The following SNX29 variants were observed in gnomAD, a reference collection of about 807,000 sequenced individuals.
The protein encoded by SNX29 is sorting nexin-29.
SNX29 carries 78 observed loss-of-function variants against 102.1 expected under a neutral mutation model. The observed-to-expected ratio is 0.76, with a 90% confidence interval of 0.64 to 0.92. SNX29 has a LOEUF of 0.92. Among genes scored for constraint, SNX29 ranks in the 40% least tolerant of loss-of-function variants. The pLI, the probability that SNX29 is intolerant of heterozygous loss-of-function variation, is 0.00. For synonymous variants in SNX29, 580 were observed against 414.5 expected, an observed-to-expected ratio of 1.40 and a Z score of -4.85; for missense variants, 1,280 against 1,061.7, an observed-to-expected ratio of 1.21 and a Z score of -2.86.
chr16:12,431,434 C>CTTTTTTTTTTTTTTTTTTTTT (rs200189537), intron 18 of SNX29, among the ~76,000 whole-genome samples: 2 of 136,952 alleles, frequency 1.5e-5, no homozygotes, highest in African/African-American at 2.7e-5. Flanking sequence ...TCTTCTTCTT[C>CTTTTTTTTTTTTTTTTTTTTT]TTTTTTTTTT....
intron 3 of SNX29, among the ~76,000 whole-genome samples, chr16:12,012,677 G>C (rs965332904): frequency 6.6e-6 from 1 of 152,062 alleles, no homozygotes; most frequent in Admixed American, 6.6e-5. Flanking sequence ...AAAGTGCTGG[G>C]ATTACAGGCG....
intron 20 of SNX29, among the ~76,000 whole-genome samples, chr16:12,563,089 A>T (rs574092137): frequency 6.9e-6 from 1 of 145,878 alleles, no homozygotes; most frequent in African/African-American, 2.4e-5. Flanking sequence ...AGAATGTTAC[A>T]TAGAAGACGC....
At chr16:12,368,298 T>C (rs539981718) in intron 16 of SNX29, among the ~76,000 whole-genome samples, 49 of 152,332 alleles carry the variant, frequency 3.2e-4, no homozygotes, top group African/African-American at 1.1e-3. Context: ...GCAAATGCAG[T>C]GTATGCAAGC....
chr16:12,444,415 G>C (rs553931584), intron 18 of SNX29, among the ~76,000 whole-genome samples: 1 of 152,370 alleles, frequency 6.6e-6, no homozygotes, highest in African/African-American at 2.4e-5. Context: ...GCAGGTGGCT[G>C]CTTCCAGCCC....
At chr16:12,193,626 G>A (rs2141920260) in intron 13 of SNX29, among the ~76,000 whole-genome samples, 1 of 152,240 alleles carries the variant, frequency 6.6e-6, no homozygotes, top group African/African-American at 2.4e-5. Context: ...ACCTTTTATA[G>A]TTTTAAATTA....
chr16:11,989,186 T>C (rs2055747426), intron 1 of SNX29, among the ~76,000 whole-genome samples: 1 of 152,204 alleles, frequency 6.6e-6, no homozygotes, highest in African/African-American at 2.4e-5. Flanking sequence ...TTGTTCAGGC[T>C]GGTCTTGAAC....
intron 17 of SNX29, among the ~76,000 whole-genome samples, chr16:12,399,575 CAGTCCAGCCATT>C (rs1460888689): frequency 6.6e-6 from 1 of 152,232 alleles, no homozygotes; most frequent in Admixed American, 6.5e-5. Context: ...TCTCAGGCAT[CAGTCCAGCCATT>C]TGACCTCACT....
At chr16:12,050,224 G>T (rs1232357032) in intron 7 of SNX29, among the ~76,000 whole-genome samples, 2 of 152,182 alleles carry the variant, frequency 1.3e-5, no homozygotes, top group Non-Finnish European at 2.9e-5. Flanking sequence ...TGCTATACCA[G>T]TGAGGCCTCA....
chr16:12,332,510 T>G (rs2081320757), intron 15 of SNX29, among the ~76,000 whole-genome samples: 1 of 152,174 alleles, frequency 6.6e-6, no homozygotes, highest in Non-Finnish European at 1.5e-5. Context: ...GTGATGACTC[T>G]ATCCTCCCCC....
At chr16:12,333,868 C>A (rs2081366600) in intron 15 of SNX29, among the ~76,000 whole-genome samples, 1 of 152,124 alleles carries the variant, frequency 6.6e-6, no homozygotes, top group South Asian at 2.1e-4. Flanking sequence ...TCTCAGAGAC[C>A]CGAATGGAGA....
intron 1 of SNX29, among the ~76,000 whole-genome samples, chr16:11,982,025 C>G (rs1293233644): frequency 6.7e-6 from 1 of 148,686 alleles, no homozygotes; most frequent in African/African-American, 2.5e-5. Flanking sequence ...GGCAACATAA[C>G]GAGATCTCAT....
intron 20 of SNX29, among the ~76,000 whole-genome samples, chr16:12,567,346 G>A (rs62028664): frequency 0.11 from 16,198 of 152,236 alleles, 1,046 homozygotes; most frequent in South Asian, 0.14. Flanking sequence ...CATGGATCCT[G>A]TTAGGTTTTT....
chr16:12,115,198 C>G (rs1005061146), intron 11 of SNX29, among the ~76,000 whole-genome samples: 1 of 152,088 alleles, frequency 6.6e-6, no homozygotes, highest in Non-Finnish European at 1.5e-5. Flanking sequence ...TTCAGCCCCC[C>G]TCGCTGCTTT....
intron 18 of SNX29, among the ~76,000 whole-genome samples, chr16:12,410,949 C>T (rs935668898): frequency 1.3e-5 from 2 of 152,168 alleles, no homozygotes; most frequent in Non-Finnish European, 2.9e-5. Context: ...CCCTTGGGCC[C>T]TCAAGTTCTC....
intron 5 of SNX29, among the ~76,000 whole-genome samples, chr16:12,044,456 G>T (rs1295127129): frequency 2.0e-5 from 3 of 152,092 alleles, no homozygotes; most frequent in African/African-American, 7.2e-5. Context: ...GGAGTGCTTG[G>T]GAACCAGGAG....
chr16:12,433,458 C>T (rs1483675608), intron 18 of SNX29, among the ~76,000 whole-genome samples: 3 of 151,952 alleles, frequency 2.0e-5, no homozygotes, highest in Admixed American at 6.6e-5. Flanking sequence ...TGGTGAAACC[C>T]CGTCTCTACT....
chr16:12,554,922 G>C (rs1451542289), intron 20 of SNX29, among the ~76,000 whole-genome samples: 1 of 151,896 alleles, frequency 6.6e-6, no homozygotes, highest in Non-Finnish European at 1.5e-5. Flanking sequence ...GAGGGGCTGA[G>C]GAGGGCAGCA....
chr16:12,562,815 C>A (rs913600223), intron 20 of SNX29, among the ~76,000 whole-genome samples: 1 of 152,142 alleles, frequency 6.6e-6, no homozygotes, highest in Admixed American at 6.5e-5. Context: ...ACTCCTTTCC[C>A]CCCAAATTTC....
intron 2 of SNX29, among the ~76,000 whole-genome samples, chr16:11,999,938 G>A (rs938232052): frequency 1.3e-5 from 2 of 151,630 alleles, no homozygotes; most frequent in African/African-American, 4.8e-5. Context: ...GGGTTTCAAA[G>A]TCTCATTGTC....
Sources: allele counts gnomAD v4.1 joint callset (sites outside exome capture counted in the v4.1 genomes callset), GRCh38; gene constraint gnomAD v4.1.1; transcripts MANE v1.5; gene names NCBI Gene and HGNC (gene_info 2026-07-23, HGNC 2026-07-21).